STIM1: variants seen among roughly 807,000 people sequenced by gnomAD.
The protein encoded by STIM1 is stromal interaction molecule 1.
Under a neutral mutation model 74.7 loss-of-function variants are expected in STIM1, and 25 were observed. The observed-to-expected ratio is 0.33, with a 90% confidence interval of 0.24 to 0.47. STIM1 has a LOEUF of 0.47. Ranked by LOEUF, STIM1 falls within the 20% of genes least tolerant of loss-of-function variation. STIM1 has a pLI of 1.00. For missense variants in STIM1, 728 were observed against 920.8 expected, an observed-to-expected ratio of 0.79 and a Z score of 2.71; for synonymous variants, 328 against 348.8, an observed-to-expected ratio of 0.94 and a Z score of 0.66.
rs967581917 is a variant in STIM1, at chr11:3,898,799, C to T, written c.139+42390C>T. Among the ~76,000 whole-genome samples, 49 of 149,154 alleles carry T rather than the reference C, an allele frequency of 3.3e-4. No individual in the cohort carries two copies. In the Middle Eastern group the frequency reaches 0.01, roughly 31 times the overall value. ...TCCTTTCCCCATTGCTTGTTTTTCTCAGGTTTGTCAAAGATCAGATAGTTG... is the reference window on the plus strand; with the variant it reads ...TCCTTTCCCCATTGCTTGTTTTTCTTAGGTTTGTCAAAGATCAGATAGTTG... On this transcript the variant is annotated intron_variant, in intron 1 of 12. Transcript: ENST00000526596.
intron 2 of STIM1, among the ~76,000 whole-genome samples, chr11:3,989,861 G>A (rs1466214089): frequency 6.6e-6 from 1 of 152,142 alleles, no homozygotes; most frequent in Non-Finnish European, 1.5e-5. Flanking sequence ...CTGGCCTCTA[G>A]TCTAACCTAT....
chr11:3,950,330 C>T (rs765795427), intron 1 of STIM1, among the ~76,000 whole-genome samples: 26 of 152,072 alleles, frequency 1.7e-4, no homozygotes, highest in Non-Finnish European at 2.9e-4. Flanking sequence ...GACGGGGTTT[C>T]ACCATGTTGG....
intron 2 of STIM1, among the ~76,000 whole-genome samples, chr11:4,021,722 G>A (rs530826523): frequency 6.6e-6 from 1 of 152,202 alleles, no homozygotes; most frequent in East Asian, 1.9e-4. Context: ...TGTCAAGAAT[G>A]TCACTGAAAT....
intron 5 of STIM1, among the ~76,000 whole-genome samples, chr11:4,059,822 C>A (rs954091938): frequency 2.0e-5 from 3 of 152,130 alleles, no homozygotes; most frequent in Non-Finnish European, 4.4e-5. Flanking sequence ...ATAGGACATT[C>A]TAGGCAGAGT....
chr11:3,885,100 A>G (rs1007436558), intron 1 of STIM1, among the ~76,000 whole-genome samples: 9 of 152,096 alleles, frequency 5.9e-5, no homozygotes, highest in Non-Finnish European at 1.0e-4. Context: ...AACCTTATAG[A>G]TATATTAAAA....
intron 3 of STIM1, among the ~76,000 whole-genome samples, chr11:4,030,339 A>AAAG (rs1554966832): frequency 7.3e-5 from 11 of 150,764 alleles, no homozygotes; most frequent in African/African-American, 2.7e-4. Context: ...AAAAAAAAAA[A>AAAG]AAAGAAAGAA....
At chr11:3,997,156 A>G (rs1276936323) in intron 2 of STIM1, among the ~76,000 whole-genome samples, 3 of 152,330 alleles carry the variant, frequency 2.0e-5, no homozygotes, top group Admixed American at 1.3e-4. Context: ...GACCTGTGTC[A>G]TGTGCCCAGT....
Position 4,091,636 on chromosome 11 carries a change from C to A in STIM1, c.1989C>A (p.Asp663Glu). 6.2e-7 allele frequency: 1 copy of A among 1,614,230 alleles called. No homozygotes were observed. Among genetic ancestry groups the A allele is most frequent in the Non-Finnish European group, 8.5e-7 (1 of 1,180,034 alleles). The change falls in exon 13 of 13, where the codon GAC becomes GAA. Residue 663 changes from aspartate (D) to glutamate (E), a missense_variant. Around this residue, in one of 5 missense-constraint regions of STIM1, gnomAD observed 352 missense variants for 370.1 expected, o/e 0.95. Transcript: ENST00000526596. ...PDPDTPSPVG[D>E]SRALQASRNT... ...CAGACACACCATCTCCAGTTGGGGA[C>A]AGCCGAGCCCTGCAAGCCAGCCGAA... is the stretch of plus-strand genomic sequence containing the variant.
chr11:3,915,236 T>C (rs1452851630), intron 1 of STIM1, among the ~76,000 whole-genome samples: 1 of 152,204 alleles, frequency 6.6e-6, no homozygotes, highest in Non-Finnish European at 1.5e-5. Flanking sequence ...ATAATGTCTT[T>C]TGATACACTG....
At position 3,895,715 on chromosome 11, in the gene STIM1, T is replaced by C. The variant is rs58711245; in HGVS notation, c.139+39306T>C. On this transcript the variant is annotated intron_variant, in intron 1 of 12. Coordinates refer to ENST00000526596, the MANE Select transcript of STIM1 (RefSeq NM_001382567.1). ...CTTTCTTTCTTTCTTTCTTTCTTTC[T>C]TTCTTTCTTTCTTTCTTTCTTTTTC... Among the ~76,000 whole-genome samples the C allele has an allele frequency of 2.0e-3, 75 of 38,166 alleles. 1 individual carries two copies. Among genetic ancestry groups the C allele is most frequent in the African/African-American group, 7.0e-3 (39 of 5,574 alleles). The allele number at this position is 38,166 out of a possible 152,430, so 25.0% of individuals were successfully genotyped here.
At chr11:3,907,955 C>T (rs1293421854) in intron 1 of STIM1, among the ~76,000 whole-genome samples, 1 of 152,182 alleles carries the variant, frequency 6.6e-6, no homozygotes, top group Non-Finnish European at 1.5e-5. Flanking sequence ...GAGGCCTTAT[C>T]CAATCATTCT....
At chr11:3,954,722 T>G (rs1414826294) in intron 1 of STIM1, among the ~76,000 whole-genome samples, 1 of 152,204 alleles carries the variant, frequency 6.6e-6, no homozygotes, top group Non-Finnish European at 1.5e-5. Flanking sequence ...GAGTGGTTCT[T>G]GACCTGGGCT....
At position 3,969,414 on chromosome 11, in the gene STIM1, C is replaced by T. The variant is rs145342071; in HGVS notation, c.270+1732C>T. ...GGAGGATCACTTGAACCTAGGAGGT[C>T]GAGGCTGTGGTGCACTATGATCATG... On this transcript the variant is annotated intron_variant, in intron 2 of 12. Coordinates refer to ENST00000526596, the MANE Select transcript of STIM1 (RefSeq NM_001382567.1). Among the ~76,000 whole-genome samples the T allele has an allele frequency of 3.8e-4, 58 of 152,096 alleles. 1 individual carries two copies. In the East Asian group the frequency reaches 9.5e-3, roughly 25 times the overall value.
chr11:4,026,254 G>C (rs2093996887), intron 3 of STIM1, among the ~76,000 whole-genome samples: 2 of 152,176 alleles, frequency 1.3e-5, no homozygotes, highest in South Asian at 4.1e-4. Flanking sequence ...AATGTTGGGA[G>C]CCAGTCTTTT....
intron 1 of STIM1, among the ~76,000 whole-genome samples, chr11:3,966,051 T>A (rs11030418): frequency 0.031 from 4,734 of 152,170 alleles, 180 homozygotes; most frequent in East Asian, 0.18. Flanking sequence ...AAAAACCCCA[T>A]TTCTTCAATG....
In STIM1 at chr11:4,080,467, GT is replaced by G. The variant is rs753798798; in HGVS notation, c.970-1700del. On this transcript the variant is annotated intron_variant, in intron 7 of 12. Transcript: ENST00000526596. ...AGTTATTTCTCTCTTTAACCAAACA[GT>G]TTTTTTTTTTTTTTTTGAGACAGTG... Among the ~76,000 whole-genome samples, 683 of 129,736 alleles carry G rather than the reference GT, an allele frequency of 5.3e-3. 8 individuals carry two copies. Among genetic ancestry groups the G allele is most frequent in the African/African-American group, 0.017 (590 of 35,090 alleles). The allele number at this position is 129,736 out of a possible 152,430, so 85.1% of individuals were successfully genotyped here. A position where few individuals can be genotyped will look rare whatever the true frequency, so the allele number is the denominator to read the frequency against.
chr11:4,091,482 A>C lies in STIM1; in HGVS notation c.1835A>C (p.Lys612Thr), dbSNP rs2094524833. ...KLPDSPALAK[K>T]ALLALNHGLD... ...CCTGACAGCCCTGCCCTGGCCAAGA[A>C]GGCATTACTGGCGCTGAACCATGGG... is the stretch of plus-strand genomic sequence containing the variant. The change falls in exon 13 of 13, where the codon AAG (lysine) becomes ACG (threonine). Residue 612 changes from lysine to threonine, a missense_variant. By Grantham distance (78) the Lys-to-Thr change is moderately conservative. Around this residue, in one of 5 missense-constraint regions of STIM1, gnomAD observed 352 missense variants for 370.1 expected, o/e 0.95. Transcript: ENST00000526596. 1 of 1,614,028 alleles carries C rather than the reference A, an allele frequency of 6.2e-7. No individual in the cohort carries two copies. The highest frequency in any genetic ancestry group is 1.3e-5 in the African/African-American group (1 of 74,918).
intron 1 of STIM1, among the ~76,000 whole-genome samples, chr11:3,937,173 C>T (rs1337750702): frequency 6.6e-6 from 1 of 151,756 alleles, no homozygotes; most frequent in East Asian, 1.9e-4. Context: ...CATCTGTAGT[C>T]CTAGCTACTT....
At chr11:4,053,284 G>A (rs2094258718) in intron 3 of STIM1, among the ~76,000 whole-genome samples, 2 of 152,144 alleles carry the variant, frequency 1.3e-5, no homozygotes, top group Non-Finnish European at 2.9e-5. Context: ...ATGCACACGT[G>A]TGTTTATTGC....
Sources: gnomAD v4.1 joint callset for allele counts (sites outside exome capture counted in the v4.1 genomes callset) on GRCh38, gnomAD v4.1.1 for gene constraint, gnomAD v4.1.1 regional missense constraint, MANE v1.5 for transcripts, NCBI Gene and HGNC (gene_info 2026-07-23, HGNC 2026-07-21) for gene names.